The following SLC39A10 variants were observed in gnomAD, a reference collection of about 807,000 sequenced individuals.
SLC39A10 encodes the protein zinc transporter ZIP10.
A neutral mutation model predicts 65.1 loss-of-function variants in SLC39A10; 13 were observed. The ratio of observed to expected loss-of-function variants is 0.20; its 90% CI spans 0.13 to 0.32. The LOEUF is 0.32. SLC39A10 is among the 10% of genes least tolerant of loss of function. SLC39A10 has a pLI of 1.00. For synonymous variants in SLC39A10, 321 were observed against 342.2 expected (o/e 0.94, Z 0.68); for missense variants, 831 against 1,018.4 (o/e 0.82, Z 2.50).
chr2:195,630,894 T>G (rs1688570443), intron 2 of SLC39A10, among the ~76,000 whole-genome samples: 1 of 152,138 alleles, frequency 6.6e-6, no homozygotes, highest in Admixed American at 6.5e-5. Context: ...ATTTAAAAAA[T>G]ATATCAGCAT....
At chr2:195,731,672 T>C (rs1454427935) in intron 9 of SLC39A10, among the ~76,000 whole-genome samples, 1 of 152,180 alleles carries the variant, frequency 6.6e-6, no homozygotes, top group African/African-American at 2.4e-5. Context: ...GTTATTTTGA[T>C]ATGTGTTATG....
chr2:195,657,592 C>A, intron 1 of SLC39A10: 1 of 982,386 alleles, frequency 1.0e-6, no homozygotes, highest in South Asian at 4.7e-5. Flanking sequence ...CTCGCGCCCC[C>A]CTCACCTTCC....
At position 195,621,671 on chromosome 2, in the gene SLC39A10, A is replaced by G. The variant is rs569645137; in HGVS notation, c.-12+15438A>G. On this transcript the variant is annotated intron_variant, in intron 2 of 2. Transcript: ENST00000458054. ...AAAGGTCCAGAGCCAGCACTGTTGG[A>G]ACAGATCATTTCACTGGAAGAATTT... Among the ~76,000 whole-genome samples, 11 of 152,378 alleles carry G rather than the reference A, an allele frequency of 7.2e-5. 1 individual carries two copies. The East Asian group carries it at 2.1e-3, about 29-fold the overall frequency.
chr2:195,729,993 C>G (rs115788354), intron 9 of SLC39A10, among the ~76,000 whole-genome samples: 113 of 93,424 alleles, frequency 1.2e-3, no homozygotes, highest in African/African-American at 4.1e-3. Flanking sequence ...TTTGTAGACA[C>G]GGAGTCTCAC....
At chr2:195,695,456 T>C (rs538852228) in intron 3 of SLC39A10, among the ~76,000 whole-genome samples, 2 of 152,294 alleles carry the variant, frequency 1.3e-5, no homozygotes, top group South Asian at 4.1e-4. Flanking sequence ...ACTCCCACCA[T>C]TCCCCCGGAG....
At chr2:195,708,866 A>T (rs1445672317) in intron 5 of SLC39A10, 22 bp downstream of exon 5, 1 of 1,531,214 alleles carries the variant, frequency 6.5e-7, no homozygotes, top group African/African-American at 1.4e-5. Context: ...TTATTTATTT[A>T]ATTTTATACC....
chr2:195,700,569 G>C (rs1691138306), intron 3 of SLC39A10, among the ~76,000 whole-genome samples: 1 of 152,042 alleles, frequency 6.6e-6, no homozygotes. Context: ...CTTTCCCCTT[G>C]AAGGACTCTC....
rs1442699756 is a variant in SLC39A10, at chr2:195,728,202, A to G, written c.2190A>G (p.Gln730=). The G allele has an allele frequency of 6.2e-7, 1 of 1,613,800 alleles. No homozygotes were observed. The highest frequency in any genetic ancestry group is 8.5e-7 in the Non-Finnish European group (1 of 1,179,840). ...VLLKAGMTVK[Q]AIVYNLLSAM... ...TTAAAGCAGGCATGACTGTAAAGCAAGCAATTGTATACAACCTCCTCTCTG... is the reference window on the plus strand; with the variant it reads ...TTAAAGCAGGCATGACTGTAAAGCAGGCAATTGTATACAACCTCCTCTCTG... The change falls in exon 9 of 10, where the codon CAA becomes CAG. Residue 730 remains glutamine, a synonymous_variant. Coordinates refer to ENST00000359634, the MANE Select transcript of SLC39A10 (RefSeq NM_020342.3). The surrounding 1 kb of genome is among the most constrained non-coding windows in gnomAD (Gnocchi z 4.4).
rs138250693 is a variant in SLC39A10 at position 195,619,874 on chromosome 2, CTTTA to C, written c.-12+13654_-12+13657del. ...CTATGTCCAAGTGTGGCCTCCAGGA[CTTTA>C]TTTATTTATTTAGAGACAGAGTCTT... On this transcript the variant is annotated intron_variant, in intron 2 of 2. Coordinates refer to the SLC39A10 transcript ENST00000458054. Among the ~76,000 whole-genome samples the C allele has an allele frequency of 9.8e-3, 1,489 of 152,114 alleles. 27 individuals are homozygous for C. The highest frequency in any genetic ancestry group is 0.033 in the African/African-American group (1,376 of 41,500).
chr2:195,721,604 T>C (rs981361467), intron 8 of SLC39A10, among the ~76,000 whole-genome samples: 4 of 152,198 alleles, frequency 2.6e-5, no homozygotes, highest in African/African-American at 9.7e-5. Context: ...CGTCTTATGC[T>C]CTTCTCTAAC....
At position 195,706,772 on chromosome 2, in the gene SLC39A10, A is replaced by G. The variant is rs1691412897; in HGVS notation, c.1373A>G (p.His458Arg). ...ACAATGAGTGGAGACGCCCTTCTTC[A>G]TCTACTGCCCCATGTAAGAAATGTT... The part of the protein sequence containing the change: ...VGTMSGDALL[H>R]LLPHSQGGHD... The change falls in exon 4 of 10, where the codon CAT (histidine) becomes CGT (arginine). Residue 458 changes from histidine (H) to arginine (R), a missense_variant. By Grantham distance (29) the His-to-Arg change is conservative (BLOSUM62 0). Around this residue, in one of 4 missense-constraint regions of SLC39A10, gnomAD observed 35 missense variants for 72.4 expected, o/e 0.48. Coordinates refer to ENST00000359634, the MANE Select transcript of SLC39A10 (RefSeq NM_020342.3). 1 of 1,560,130 alleles carries G rather than the reference A, an allele frequency of 6.4e-7. No individual in the cohort carries two copies.
At chr2:195,622,358 C>A (rs889873623) in intron 2 of SLC39A10, among the ~76,000 whole-genome samples, 2 of 151,784 alleles carry the variant, frequency 1.3e-5, no homozygotes, top group Non-Finnish European at 2.9e-5. Context: ...AAGAGTGAGA[C>A]CCTGTCTCTA....
rs542160662 is a variant in SLC39A10, at chr2:195,617,812, G to A, written c.-12+11579G>A. ...TGGAGTGCAGTGGCACAATCTCGGCGGACTGCAAGCTCTGCCTCCTAGGGT... is the reference window on the plus strand; with the variant it reads ...TGGAGTGCAGTGGCACAATCTCGGCAGACTGCAAGCTCTGCCTCCTAGGGT... On this transcript the variant is annotated intron_variant, in intron 2 of 2. Coordinates refer to the SLC39A10 transcript ENST00000458054. Among the ~76,000 whole-genome samples the A allele has an allele frequency of 1.2e-3, 188 of 150,814 alleles. 1 individual carries two copies. The highest frequency in any genetic ancestry group is 2.1e-3 in the African/African-American group (87 of 41,174).
At chr2:195,635,273 G>A (rs1688675282) in intron 2 of SLC39A10, among the ~76,000 whole-genome samples, 2 of 152,148 alleles carry the variant, frequency 1.3e-5, no homozygotes, top group Non-Finnish European at 2.9e-5. Flanking sequence ...ACCTTTCCTG[G>A]AGGCCCCTCT....
intron 1 of SLC39A10, among the ~76,000 whole-genome samples, chr2:195,671,915 CTGAA>C (rs1340331575): frequency 5.9e-5 from 9 of 151,852 alleles, no homozygotes; most frequent in Non-Finnish European, 1.3e-4. Context: ...TGTTATGTCT[CTGAA>C]TGACTGGAGC....
Position 195,683,926 on chromosome 2 carries a change from T to C in SLC39A10, c.1216+20T>C. On this transcript the variant is annotated intron_variant, in intron 3 of 9. Transcript: ENST00000359634. ...CATCAGGTAAGAGAGATTTTAAGTT[T>C]TTTCTCCTTAAAATAGTACCTGTAC... The C allele has an allele frequency of 6.4e-7, 1 of 1,563,716 alleles. No homozygotes were observed. The highest frequency in any genetic ancestry group is 8.8e-7 in the Non-Finnish European group (1 of 1,141,864).
intron 3 of SLC39A10, among the ~76,000 whole-genome samples, chr2:195,704,777 C>T (rs906262549): frequency 6.6e-6 from 1 of 151,036 alleles, no homozygotes; most frequent in Non-Finnish European, 1.5e-5. Context: ...CACCCCTGCC[C>T]CTGTGTTTTT....
chr2:195,662,299 A>G (rs1172816626), intron 1 of SLC39A10, among the ~76,000 whole-genome samples: 15 of 148,242 alleles, frequency 1.0e-4, no homozygotes, highest in African/African-American at 3.8e-4. Context: ...GTGAGACAGT[A>G]TCTCTGTTCC....
chr2:195,721,540 T>C (rs1692039098), intron 8 of SLC39A10, among the ~76,000 whole-genome samples: 1 of 152,198 alleles, frequency 6.6e-6, no homozygotes. Context: ...TTCACCCATT[T>C]TCTTGTTAGA....
Sources: allele counts gnomAD v4.1 joint callset (sites outside exome capture counted in the v4.1 genomes callset), GRCh38; gene constraint gnomAD v4.1.1; regional missense constraint gnomAD v4.1.1; non-coding constraint Gnocchi (gnomAD v3.1); transcripts MANE v1.5; gene names NCBI Gene and HGNC (gene_info 2026-07-23, HGNC 2026-07-21).